UBE2E2: variants seen among roughly 807,000 people sequenced by gnomAD.
UBE2E2 encodes the protein ubiquitin-conjugating enzyme E2 E2.
Under a neutral mutation model 24.7 loss-of-function variants are expected in UBE2E2, and 6 were observed. The ratio of observed to expected loss-of-function variants is 0.24; its 90% CI spans 0.13 to 0.48. The LOEUF (loss-of-function observed/expected upper bound fraction) is 0.48. Ranked by LOEUF, UBE2E2 falls within the 20% of genes least tolerant of loss-of-function variation. The probability of loss-of-function intolerance (pLI) is 0.99; values close to 1 mark genes in which losing one functional copy is unlikely to be tolerated. For synonymous variants in UBE2E2, 104 were observed against 83.6 expected (o/e 1.24, Z -1.33); for missense variants, 169 against 245.0 (o/e 0.69, Z 2.07).
intron 3 of UBE2E2, among the ~76,000 whole-genome samples, chr3:23,352,789 G>A (rs546960005): frequency 9.9e-5 from 15 of 152,206 alleles, no homozygotes; most frequent in Admixed American, 3.3e-4. Context: ...ATTCACAGCC[G>A]AATTCTACCA....
At chr3:23,299,555 C>G (rs1401192127) in intron 3 of UBE2E2, among the ~76,000 whole-genome samples, 6 of 152,190 alleles carry the variant, frequency 3.9e-5, no homozygotes, top group Admixed American at 3.3e-4. Flanking sequence ...AGTAGTCATT[C>G]AGGAGCAGGT....
At chr3:23,513,938 C>G (rs1341729931) in intron 4 of UBE2E2, among the ~76,000 whole-genome samples, 1 of 152,148 alleles carries the variant, frequency 6.6e-6, no homozygotes, top group Non-Finnish European at 1.5e-5. Context: ...AGAGGCTTAA[C>G]AGTCTCTAAG....
At chr3:23,525,843 T>C (rs763745043) in intron 4 of UBE2E2, among the ~76,000 whole-genome samples, 5 of 152,206 alleles carry the variant, frequency 3.3e-5, no homozygotes, top group Non-Finnish European at 5.9e-5. Flanking sequence ...AGTAGTCTTG[T>C]AGGTTAAGGG....
At chr3:23,507,567 G>C (rs1694486102) in intron 4 of UBE2E2, among the ~76,000 whole-genome samples, 1 of 152,192 alleles carries the variant, frequency 6.6e-6, no homozygotes, top group Non-Finnish European at 1.5e-5. Context: ...AGAAAACTGA[G>C]CTCCATGGAG....
chr3:23,229,346 AG>A (rs775798711), intron 3 of UBE2E2, among the ~76,000 whole-genome samples: 7 of 152,266 alleles, frequency 4.6e-5, no homozygotes, highest in South Asian at 4.2e-4. Flanking sequence ...TGGTTACATG[AG>A]TAAATTCTTC....
chr3:23,345,467 G>T (rs1695526832), intron 3 of UBE2E2, among the ~76,000 whole-genome samples: 1 of 152,052 alleles, frequency 6.6e-6, no homozygotes, highest in South Asian at 2.1e-4. Flanking sequence ...AAATATACGT[G>T]GCAAAACATT....
At chr3:23,249,822 A>AT (rs1258885584) in intron 3 of UBE2E2, among the ~76,000 whole-genome samples, 1 of 151,798 alleles carries the variant, frequency 6.6e-6, no homozygotes, top group Non-Finnish European at 1.5e-5. Flanking sequence ...CACCTGGCTA[A>AT]TTTTTTTGTA....
At chr3:23,423,846 A>G (rs1350245900) in intron 3 of UBE2E2, among the ~76,000 whole-genome samples, 1 of 152,190 alleles carries the variant, frequency 6.6e-6, no homozygotes, top group African/African-American at 2.4e-5. Flanking sequence ...GGTGCTACCT[A>G]TCAGAAGAAT....
chr3:23,302,914 A>T (rs1366921755), intron 3 of UBE2E2, among the ~76,000 whole-genome samples: 1 of 152,100 alleles, frequency 6.6e-6, no homozygotes, highest in Non-Finnish European at 1.5e-5. Context: ...CTTTGTGTTG[A>T]TTTTAAAACA....
At position 23,556,453 on chromosome 3, in the gene UBE2E2, TTA is replaced by T. The variant is rs1491453479; in HGVS notation, c.508+23753_508+23754del. On this transcript the variant is annotated intron_variant, in intron 5 of 5. Transcript: ENST00000396703. ...ACCATGCCCAGCCAATAAAATTTAT[TTA>T]AAAAAAAAAAAAAAAAAGCTATACT... Among the ~76,000 whole-genome samples, 9 of 69,006 alleles carry T rather than the reference TTA, an allele frequency of 1.3e-4. No homozygotes were observed. In the East Asian group the frequency reaches 3.1e-3, roughly 24 times the overall value. 45.3% of individuals were successfully genotyped at this position (69,006 alleles called of 152,430 possible).
chr3:23,441,368 CAAAAAAA>C (rs752204801), intron 3 of UBE2E2, among the ~76,000 whole-genome samples: 15 of 103,218 alleles, frequency 1.5e-4, no homozygotes, highest in Middle Eastern at 9.8e-3. Context: ...ACTAAAAATC[CAAAAAAA>C]AAAAAAAAAA....
At chr3:23,500,996 A>G (rs1240276335) in intron 4 of UBE2E2, among the ~76,000 whole-genome samples, 5 of 152,082 alleles carry the variant, frequency 3.3e-5, no homozygotes, top group Non-Finnish European at 7.4e-5. Flanking sequence ...TAGGTTTTCA[A>G]TGACAAAGCC....
At chr3:23,555,944 A>G (rs1228302006) in intron 5 of UBE2E2, among the ~76,000 whole-genome samples, 6 of 152,122 alleles carry the variant, frequency 3.9e-5, no homozygotes, top group South Asian at 4.1e-4. Context: ...CGTGTGCAAC[A>G]TAAGGACTAT....
chr3:23,353,617 G>T (rs1436768007), intron 3 of UBE2E2, among the ~76,000 whole-genome samples: 2 of 152,132 alleles, frequency 1.3e-5, no homozygotes, highest in Non-Finnish European at 2.9e-5. Flanking sequence ...GCCAAATCAT[G>T]AGTGAACTCC....
intron 4 of UBE2E2, among the ~76,000 whole-genome samples, chr3:23,532,192 A>C (rs948365127): frequency 8.5e-5 from 13 of 152,208 alleles, no homozygotes; most frequent in African/African-American, 2.7e-4. Context: ...AATCTAACAA[A>C]AGTTTTCTTT....
At chr3:23,445,390 T>G (rs1207415612) in intron 3 of UBE2E2, among the ~76,000 whole-genome samples, 2 of 152,198 alleles carry the variant, frequency 1.3e-5, no homozygotes, top group African/African-American at 4.8e-5. Flanking sequence ...CACTGTTGTT[T>G]TCTAGGCCCC....
intron 3 of UBE2E2, among the ~76,000 whole-genome samples, chr3:23,239,879 G>A (rs1419618470): frequency 6.6e-6 from 1 of 152,286 alleles, no homozygotes; most frequent in Middle Eastern, 3.4e-3. Context: ...TCTTTGAAAA[G>A]GAGTAGGAAA....
intron 3 of UBE2E2, among the ~76,000 whole-genome samples, chr3:23,482,801 C>G (rs927968413): frequency 1.3e-5 from 2 of 152,096 alleles, no homozygotes; most frequent in Non-Finnish European, 2.9e-5. Context: ...AATAATAATC[C>G]TATCTCACTT....
chr3:23,478,813 G>A (rs1699192401), intron 3 of UBE2E2, among the ~76,000 whole-genome samples: 1 of 152,012 alleles, frequency 6.6e-6, no homozygotes, highest in Non-Finnish European at 1.5e-5. Context: ...GGCTGAGGCA[G>A]AATGATCACT....
Sources: allele counts gnomAD v4.1 joint callset (sites outside exome capture counted in the v4.1 genomes callset), GRCh38; gene constraint gnomAD v4.1.1; transcripts MANE v1.5; gene names NCBI Gene and HGNC (gene_info 2026-07-23, HGNC 2026-07-21).